WDR62: variants seen among roughly 807,000 people sequenced by gnomAD.
WDR62 encodes WD repeat-containing protein 62.
A neutral mutation model predicts 160.6 loss-of-function variants in WDR62; 112 were observed. The observed-to-expected ratio is 0.70, with a 90% CI of 0.60 to 0.82. The LOEUF is 0.82. WDR62 is among the 40% of genes least tolerant of loss of function. WDR62 has a pLI of 0.00. For synonymous variants in WDR62, 792 were observed against 815.1 expected, an observed-to-expected ratio of 0.97 and a Z score of 0.48; for missense variants, 1,819 against 1,983.8, an observed-to-expected ratio of 0.92 and a Z score of 1.58.
chr19:36,080,317 T>A (rs570764066), intron 9 of WDR62, among the ~76,000 whole-genome samples: 165 of 151,538 alleles, frequency 1.1e-3, no homozygotes, highest in Non-Finnish European at 2.0e-3. Flanking sequence ...GGTTTCACCG[T>A]GTTAGTCAAG....
rs1206022172 is a variant in WDR62 at position 36,091,323 on chromosome 19, T to C, written c.2146+12T>C. On this transcript the variant is annotated intron_variant, in intron 17 of 31. Coordinates refer to ENST00000401500, the MANE Select transcript of WDR62 (RefSeq NM_001083961.2). ...GTTTGGCCATTCAGGTGGGTGTGCC[T>C]CTCTGCTTGGGATGCCTCCCCACCC... 16 of 1,613,504 alleles carry C rather than the reference T, an allele frequency of 9.9e-6. No homozygotes were observed. Among genetic ancestry groups the C allele is most frequent in the Non-Finnish European group, 1.2e-5 (14 of 1,179,588 alleles).
intron 3 of WDR62, among the ~76,000 whole-genome samples, chr19:36,065,139 G>GA (rs1970866797): frequency 6.6e-6 from 1 of 152,208 alleles, no homozygotes; most frequent in Non-Finnish European, 1.5e-5. Flanking sequence ...TGTCAGTAAG[G>GA]AAAGAGAGGC....
At chr19:36,101,119 C>A in intron 23 of WDR62, 95 bp from the exon 24 acceptor site, 1 of 1,258,782 alleles carries the variant, frequency 7.9e-7, no homozygotes, top group Non-Finnish European at 1.1e-6. Context: ...CCTGCAGGAG[C>A]AGCGGGTACA....
At chr19:36,093,442 G>T (rs1972759825) in intron 19 of WDR62, among the ~76,000 whole-genome samples, 2 of 152,186 alleles carry the variant, frequency 1.3e-5, no homozygotes, top group Non-Finnish European at 2.9e-5. Flanking sequence ...TTGAGGTTTT[G>T]GTTTGGGTAT....
At chr19:36,089,442 TTTTTTG>T (rs759833239) in intron 15 of WDR62, 136 bp downstream of exon 15, 248 of 1,474,498 alleles carry the variant, frequency 1.7e-4, no homozygotes, top group Non-Finnish European at 2.1e-4. Flanking sequence ...TTCTTGGTTT[TTTTTTG>T]TTTTTGTTTT....
intron 9 of WDR62, 62 bp from the exon 10 acceptor site, chr19:36,081,371 G>A: frequency 1.5e-6 from 2 of 1,361,604 alleles, no homozygotes; most frequent in Non-Finnish European, 2.1e-6. Flanking sequence ...CCATGAAAAT[G>A]CAACAGTAAG....
At chr19:36,080,308 G>T (rs986909076) in intron 9 of WDR62, among the ~76,000 whole-genome samples, 6 of 150,560 alleles carry the variant, frequency 4.0e-5, no homozygotes, top group Admixed American at 1.3e-4. Context: ...TAGAGACGGG[G>T]TTTCACCGTG....
rs993515696 is a variant in WDR62, at chr19:36,101,440, G to A, written c.2971+123G>A. ...AGAGTCTGTCGAGGAAGACACATGT[G>A]GTCCCTGCTGCTGCCTGAGGATTCT... On this transcript the variant is annotated intron_variant, in intron 24 of 31. Transcript: ENST00000401500. The A allele has an allele frequency of 9.4e-6, 9 of 957,980 alleles. No individual in the cohort carries two copies. The South Asian group carries it at 1.3e-4, about 13-fold the overall frequency. The allele number at this position is 957,980 out of a possible 1,614,324, so 59.3% of individuals were successfully genotyped here. A position where few individuals can be genotyped will look rare whatever the true frequency, so the allele number is the denominator to read the frequency against.
intron 9 of WDR62, among the ~76,000 whole-genome samples, chr19:36,074,659 A>G (rs532442013): frequency 2.6e-5 from 4 of 152,314 alleles, no homozygotes; most frequent in South Asian, 2.1e-4. Flanking sequence ...GTCCTTTTGA[A>G]TAGGCAGCAT....
chr19:36,105,291 G>T (rs1973684552), downstream of WDR62, among the ~76,000 whole-genome samples: 1 of 152,140 alleles, frequency 6.6e-6, no homozygotes, highest in Admixed American at 6.5e-5. Flanking sequence ...ACTGCCCACA[G>T]AGCTGCCACA....
chr19:36,090,502 C>T lies in WDR62; in HGVS notation c.2016C>T (p.Asp672=), dbSNP rs114968951. 436 of 1,614,098 alleles carry T rather than the reference C, an allele frequency of 2.7e-4. No homozygotes were observed. The African/African-American group carries it at 5.5e-3, about 20-fold the overall frequency. ...QKKCYKGSQG[D]EGSLLKVHVD... is the part of the protein sequence containing the mutation. ...AGTGCTACAAGGGCTCCCAGGGTGACGAAGGGTCCTTGCTGAAGGTGAGGA... is the reference window on the plus strand; with the variant it reads ...AGTGCTACAAGGGCTCCCAGGGTGATGAAGGGTCCTTGCTGAAGGTGAGGA... Residue 672 remains aspartate, a synonymous_variant, in exon 16 of 32, where the codon GAC becomes GAT. Transcript: ENST00000401500.
intron 9 of WDR62, 72 bp from the exon 10 acceptor site, chr19:36,081,360 TC>T: frequency 1.3e-6 from 2 of 1,568,682 alleles, no homozygotes; most frequent in Admixed American, 1.7e-5. Flanking sequence ...TTTTTTTTTT[TC>T]CATGAAAATG....
intron 19 of WDR62, 78 bp from the exon 20 acceptor site, chr19:36,093,953 G>T (rs1362474632): frequency 1.3e-6 from 2 of 1,576,622 alleles, no homozygotes; most frequent in East Asian, 4.5e-5. Context: ...CTTAGCACAG[G>T]GCCCAGCCCT....
At chr19:36,077,595 C>CTCTT (rs1194819888) in intron 9 of WDR62, among the ~76,000 whole-genome samples, 1 of 146,128 alleles carries the variant, frequency 6.8e-6, no homozygotes, top group African/African-American at 2.5e-5. Context: ...CTTTCTTTTC[C>CTCTT]TCTTTCTTTC....
At chr19:36,080,375 A>G (rs1045516521) in intron 9 of WDR62, among the ~76,000 whole-genome samples, 1 of 151,736 alleles carries the variant, frequency 6.6e-6, no homozygotes, top group Admixed American at 6.6e-5. Flanking sequence ...CGGCCTCCCG[A>G]AGTGCTGGGA....
intron 12 of WDR62, 78 bp from the exon 13 acceptor site, chr19:36,086,609 C>A: frequency 6.6e-7 from 1 of 1,523,180 alleles, no homozygotes; most frequent in Non-Finnish European, 8.9e-7. Flanking sequence ...GACTGGGCAG[C>A]TTGGTCACAC....
chr19:36,054,933 G>C lies in WDR62; in HGVS notation c.-39G>C. Reference sequence around the variant, plus strand: ...GGGTCGTGGCGGTGGCGGCAGCGGCGGTTAGGGGATGTAACGGTCGCCCGC... The same window carrying C: ...GGGTCGTGGCGGTGGCGGCAGCGGCCGTTAGGGGATGTAACGGTCGCCCGC... On this transcript the variant is annotated 5_prime_UTR_variant, in exon 1 of 32. Transcript: ENST00000401500. The C allele has an allele frequency of 6.4e-7, 1 of 1,555,112 alleles. No individual in the cohort carries two copies. Among genetic ancestry groups the C allele is most frequent in the Non-Finnish European group, 8.7e-7 (1 of 1,151,958 alleles).
intron 22 of WDR62, among the ~76,000 whole-genome samples, chr19:36,099,924 G>A (rs1408225306): frequency 2.0e-5 from 3 of 152,104 alleles, no homozygotes; most frequent in South Asian, 4.1e-4. Context: ...GGAGTAAGAG[G>A]CTTACCTCTT....
chr19:36,107,001 C>T (rs1347418977), downstream of WDR62, among the ~76,000 whole-genome samples: 1 of 152,146 alleles, frequency 6.6e-6, no homozygotes, highest in East Asian at 1.9e-4. Context: ...TGTTCAGCCC[C>T]CCAGGCCTCG....
Sources: allele counts gnomAD v4.1 joint callset (sites outside exome capture counted in the v4.1 genomes callset), GRCh38; gene constraint gnomAD v4.1.1; transcripts MANE v1.5; gene names NCBI Gene and HGNC (gene_info 2026-07-23, HGNC 2026-07-21).